Variants in SFMBT2 observed in about 807,000 individuals in gnomAD.
The protein encoded by SFMBT2 is scm-like with four MBT domains protein 2.
SFMBT2 carries 38 observed loss-of-function variants against 110.1 expected under a neutral mutation model. The observed-to-expected ratio is 0.35, with a 90% confidence interval of 0.27 to 0.45. SFMBT2 has a LOEUF of 0.45. Ranked by LOEUF, SFMBT2 falls within the 20% of genes least tolerant of loss-of-function variation. The pLI is 1.00. For missense variants in SFMBT2, 1,011 were observed against 1,094.9 expected (o/e 0.92, Z 1.08); for synonymous variants, 425 against 425.4 (o/e 1.00, Z 0.01).
In SFMBT2 at chr10:7,342,557, C is replaced by T. The variant is rs56325010; in HGVS notation, c.436+25092G>A. Among the ~76,000 whole-genome samples, 1,299 of 151,974 alleles carry T rather than the reference C, an allele frequency of 8.5e-3. 10 individuals carry two copies. The highest frequency in any genetic ancestry group is 0.016 in the Non-Finnish European group (1,069 of 67,966). ...CCGAGCAGCTGGGACTACAGGCACCCGCCACCGCGCCCAGCTAATATTTTT... is the reference window on the plus strand; with the variant it reads ...CCGAGCAGCTGGGACTACAGGCACCTGCCACCGCGCCCAGCTAATATTTTT... On this transcript the variant is annotated intron_variant, in intron 4 of 20. Transcript: ENST00000397167.
At chr10:7,202,575 T>C in intron 12 of SFMBT2, 53 bp from the exon 13 acceptor site, 1 of 1,613,830 alleles carries the variant, frequency 6.2e-7, no homozygotes, top group East Asian at 2.2e-5. Context: ...GTGGGGCAAG[T>C]CCATTTTTAA....
At chr10:7,363,162 T>C (rs1588481858) in intron 4 of SFMBT2, among the ~76,000 whole-genome samples, 2 of 151,798 alleles carry the variant, frequency 1.3e-5, no homozygotes, top group South Asian at 2.1e-4. Context: ...ATGGGGCGGG[T>C]TTTTCCCACG....
intron 1 of SFMBT2, among the ~76,000 whole-genome samples, chr10:7,386,180 T>C (rs1211700678): frequency 6.6e-6 from 1 of 152,168 alleles, no homozygotes; most frequent in Non-Finnish European, 1.5e-5. Flanking sequence ...GTGCTGAGTG[T>C]ATGTGTGTAT....
In SFMBT2 at chr10:7,220,454, G is replaced by T; in HGVS notation, c.1287C>A (p.Ser429=). The change falls in exon 11 of 21, where the codon TCC becomes TCA. Residue 429 remains serine (S), a synonymous_variant. Transcript: ENST00000397167. ...PRNPGELCVA[S]VVSVKGRLMW... Reference sequence around the variant, plus strand: ...TTAGCCGCCCCTTCACACTCACAACGGAGGCCACACACAGTTCTCCTGGAT... The same window carrying T: ...TTAGCCGCCCCTTCACACTCACAACTGAGGCCACACACAGTTCTCCTGGAT... 6.2e-7 allele frequency: 1 copy of T among 1,613,882 alleles called. No homozygotes were observed. The highest frequency in any genetic ancestry group is 8.5e-7 in the Non-Finnish European group (1 of 1,179,884).
chr10:7,385,796 A>C (rs11596582), intron 1 of SFMBT2, among the ~76,000 whole-genome samples: 1 of 151,896 alleles, frequency 6.6e-6, no homozygotes, highest in African/African-American at 2.4e-5. Context: ...TCAGGAGATC[A>C]AGACCATCCT....
intron 4 of SFMBT2, among the ~76,000 whole-genome samples, chr10:7,314,516 C>T (rs1842934047): frequency 6.6e-6 from 1 of 152,238 alleles, no homozygotes; most frequent in Non-Finnish European, 1.5e-5. Flanking sequence ...ATTTCTATCT[C>T]AACCACACTT....
chr10:7,228,728 TTTC>T (rs1185757744), intron 9 of SFMBT2, among the ~76,000 whole-genome samples: 3 of 84,036 alleles, frequency 3.6e-5, no homozygotes, highest in Admixed American at 1.2e-4. Context: ...TCTTTCTTTC[TTTC>T]TTTCCTTTCT....
At chr10:7,168,670 T>C (rs185980314) in intron 20 of SFMBT2, among the ~76,000 whole-genome samples, 75 of 152,398 alleles carry the variant, frequency 4.9e-4, no homozygotes, top group Admixed American at 1.4e-3. Flanking sequence ...GGCAACGTGC[T>C]GTGCTGGGCA....
At chr10:7,168,251 TCTTG>T (rs1837756189) in intron 20 of SFMBT2, among the ~76,000 whole-genome samples, 2 of 152,210 alleles carry the variant, frequency 1.3e-5, no homozygotes, top group African/African-American at 4.8e-5. Context: ...TGTTTCACTT[TCTTG>T]CTTATTACTG....
intron 6 of SFMBT2, among the ~76,000 whole-genome samples, chr10:7,280,103 T>C (rs996882522): frequency 4.5e-4 from 69 of 152,300 alleles, no homozygotes; most frequent in African/African-American, 1.6e-3. Context: ...CTTGATCTAC[T>C]ATGTGAGGAC....
chr10:7,344,817 G>T (rs989328099), intron 4 of SFMBT2, among the ~76,000 whole-genome samples: 25 of 152,046 alleles, frequency 1.6e-4, no homozygotes, highest in Admixed American at 1.1e-3. Flanking sequence ...AAATTAGCCG[G>T]GCACAGTGGC....
chr10:7,176,293 A>G, intron 16 of SFMBT2, 128 bp from the exon 17 acceptor site: 1 of 1,092,018 alleles, frequency 9.2e-7, no homozygotes, highest in South Asian at 1.6e-5. Context: ...GCAGTTTCCC[A>G]TGTTGCTTCT....
At chr10:7,218,132 G>T (rs1839604235) in intron 11 of SFMBT2, among the ~76,000 whole-genome samples, 1 of 152,114 alleles carries the variant, frequency 6.6e-6, no homozygotes, top group Non-Finnish European at 1.5e-5. Context: ...TAATAAAATT[G>T]TTACAAAGTA....
intron 11 of SFMBT2, among the ~76,000 whole-genome samples, chr10:7,217,197 GGA>G (rs1564389149): frequency 6.6e-6 from 1 of 152,130 alleles, no homozygotes; most frequent in Non-Finnish European, 1.5e-5. Flanking sequence ...ACTTTAACGG[GGA>G]GAGAGTTTCA....
chr10:7,243,495 T>C (rs902738057), intron 9 of SFMBT2, 63 bp downstream of exon 9: 51 of 852,190 alleles, frequency 6.0e-5, no homozygotes, highest in Non-Finnish European at 9.2e-5. Context: ...CAGGTGTTAC[T>C]TCAATGACAG....
chr10:7,237,557 C>T (rs1001285127), intron 9 of SFMBT2, among the ~76,000 whole-genome samples: 12 of 152,098 alleles, frequency 7.9e-5, no homozygotes, highest in Non-Finnish European at 1.6e-4. Context: ...GGGTGCTCAC[C>T]TTGCGGAGGA....
intron 4 of SFMBT2, among the ~76,000 whole-genome samples, chr10:7,323,633 C>T (rs538857279): frequency 6.6e-6 from 1 of 152,130 alleles, no homozygotes; most frequent in East Asian, 1.9e-4. Context: ...TAAAGCCCCA[C>T]AGGTGCTGTG....
rs1384482478 is a variant in SFMBT2, at chr10:7,159,679, G to A, written c.*4091C>T. On this transcript the variant is annotated 3_prime_UTR_variant, in exon 21 of 21. Coordinates refer to ENST00000397167, the MANE Select transcript of SFMBT2 (RefSeq NM_001387889.1). ...CAGCTTTCTAAAGACAGAAGAGAGA[G>A]GAAGTGAAGCCTTGATTCGCCATCT... is the stretch of plus-strand genomic sequence containing the variant. The A allele has an allele frequency of 6.6e-6, 1 of 152,162 alleles. No individual in the cohort carries two copies. Among genetic ancestry groups the A allele is most frequent in the African/African-American group, 2.4e-5 (1 of 41,440 alleles). The allele number at this position is 152,162 out of a possible 1,614,324, so 9.4% of individuals were successfully genotyped here.
chr10:7,168,155 T>G (rs1837752448), intron 20 of SFMBT2, among the ~76,000 whole-genome samples: 1 of 152,064 alleles, frequency 6.6e-6, no homozygotes, highest in African/African-American at 2.4e-5. Flanking sequence ...AGGGAAGGCA[T>G]GAAACTTTTC....
Sources: allele counts gnomAD v4.1 joint callset (sites outside exome capture counted in the v4.1 genomes callset), GRCh38; gene constraint gnomAD v4.1.1; transcripts MANE v1.5; gene names NCBI Gene and HGNC (gene_info 2026-07-23, HGNC 2026-07-21).